The following SPOCK3 variants were observed in gnomAD, a reference collection of about 807,000 sequenced individuals.
SPOCK3 encodes the protein SPARC (osteonectin), cwcv and kazal like domains proteoglycan 3.
Under a neutral mutation model 56.6 loss-of-function variants are expected in SPOCK3, and 30 were observed. The ratio of observed to expected loss-of-function variants is 0.53; its 90% CI spans 0.40 to 0.72. The LOEUF (loss-of-function observed/expected upper bound fraction) is 0.72. Among genes scored for constraint, SPOCK3 ranks in the 30% least tolerant of loss-of-function variants. The pLI, the probability that SPOCK3 is intolerant of heterozygous loss-of-function variation, is 0.00. For synonymous variants in SPOCK3, 196 were observed against 183.3 expected (o/e 1.07, Z -0.56); for missense variants, 527 against 530.0 (o/e 0.99, Z 0.06).
At chr4:166,782,359 A>G (rs1019076888) in intron 7 of SPOCK3, among the ~76,000 whole-genome samples, 1 of 152,212 alleles carries the variant, frequency 6.6e-6, no homozygotes, top group African/African-American at 2.4e-5. Context: ...GAACAGAGAA[A>G]TAGACAATTA....
At chr4:167,201,230 CTCTTT>C (rs1237782752) in intron 2 of SPOCK3, among the ~76,000 whole-genome samples, 1 of 151,928 alleles carries the variant, frequency 6.6e-6, no homozygotes, top group African/African-American at 2.4e-5. Context: ...ACTGTATTAT[CTCTTT>C]TCAACAGTAG....
At chr4:166,915,457 G>T (rs1038983695) in intron 4 of SPOCK3, among the ~76,000 whole-genome samples, 1 of 152,134 alleles carries the variant, frequency 6.6e-6, no homozygotes, top group Non-Finnish European at 1.5e-5. Context: ...AGATGAAGAT[G>T]TAACATTAAA....
chr4:166,844,592 G>A (rs1747857821), intron 6 of SPOCK3, among the ~76,000 whole-genome samples: 1 of 152,066 alleles, frequency 6.6e-6, no homozygotes, highest in Admixed American at 6.5e-5. Context: ...GACTCAAACT[G>A]CAACACTTTT....
At chr4:166,968,888 C>T (rs1745051000) in intron 4 of SPOCK3, among the ~76,000 whole-genome samples, 1 of 152,132 alleles carries the variant, frequency 6.6e-6, no homozygotes, top group Non-Finnish European at 1.5e-5. Context: ...CAACATCAGC[C>T]CATTAAAGAA....
intron 2 of SPOCK3, among the ~76,000 whole-genome samples, chr4:167,085,188 A>C (rs1758075491): frequency 6.6e-6 from 1 of 151,082 alleles, no homozygotes; most frequent in African/African-American, 2.4e-5. Context: ...AAAAAAAAAA[A>C]CACAAATGTC....
chr4:166,739,527 C>T (rs760740227), intron 9 of SPOCK3, among the ~76,000 whole-genome samples: 4 of 152,106 alleles, frequency 2.6e-5, no homozygotes, highest in African/African-American at 4.8e-5. Flanking sequence ...AGGCATGAGC[C>T]GTCATCCCCG....
At chr4:166,921,180 G>C (rs1738437415) in intron 4 of SPOCK3, among the ~76,000 whole-genome samples, 1 of 152,108 alleles carries the variant, frequency 6.6e-6, no homozygotes. Context: ...ACAGCAATTT[G>C]CCCAATCACA....
At chr4:166,923,584 T>C (rs1354933222) in intron 4 of SPOCK3, among the ~76,000 whole-genome samples, 1 of 152,162 alleles carries the variant, frequency 6.6e-6, no homozygotes, top group African/African-American at 2.4e-5. Context: ...TTCTTTCACA[T>C]CTAATGGAAA....
At chr4:167,150,168 C>T (rs969093909) in intron 2 of SPOCK3, among the ~76,000 whole-genome samples, 3 of 152,066 alleles carry the variant, frequency 2.0e-5, no homozygotes, top group African/African-American at 7.2e-5. Context: ...ATCTGTTTTC[C>T]TACAGCATTT....
Position 166,735,052 on chromosome 4 carries a change from C to T in SPOCK3, c.1171G>A (p.Asp391Asn), listed in dbSNP as rs141348000. ...FEISGDFASGDFHEWTDDEDD... is the reference protein window; with the variant it reads ...FEISGDFASGNFHEWTDDEDD... ...TCATCATCAGTCCATTCATGAAAAT[C>T]GCCACTAGCAAAATCTCCGGAGATC... is the stretch of plus-strand genomic sequence containing the variant. The change falls in exon 11 of 11, where the codon GAT (aspartate) becomes AAT (asparagine). Residue 391 changes from aspartate to asparagine, a missense_variant. By Grantham distance (23) the Asp-to-Asn change is conservative. Coordinates refer to ENST00000357545, the MANE Select transcript of SPOCK3 (RefSeq NM_001040159.2). 20 of 1,603,406 alleles carry T rather than the reference C, an allele frequency of 1.2e-5. No individual in the cohort carries two copies. In the Admixed American group the frequency reaches 1.7e-4, roughly 13 times the overall value.
At chr4:166,782,088 T>G (rs1365623369) in intron 7 of SPOCK3, among the ~76,000 whole-genome samples, 4 of 152,188 alleles carry the variant, frequency 2.6e-5, no homozygotes, top group African/African-American at 9.6e-5. Context: ...CATTTATCAC[T>G]TGTTTGTTTT....
chr4:167,223,644 C>T (rs1736293477), intron 2 of SPOCK3, among the ~76,000 whole-genome samples: 1 of 151,850 alleles, frequency 6.6e-6, no homozygotes, highest in Admixed American at 6.6e-5. Context: ...GGGGATATTA[C>T]TAATTAATAC....
intron 6 of SPOCK3, among the ~76,000 whole-genome samples, chr4:166,817,207 G>A (rs369995507): frequency 6.6e-6 from 1 of 152,084 alleles, no homozygotes; most frequent in East Asian, 1.9e-4. Flanking sequence ...CCTGTATAGT[G>A]TGTTGCACTA....
At chr4:167,108,640 A>T (rs868389270) in intron 2 of SPOCK3, among the ~76,000 whole-genome samples, 1 of 151,616 alleles carries the variant, frequency 6.6e-6, no homozygotes, top group Admixed American at 6.6e-5. Flanking sequence ...GAGTAGAAGG[A>T]TGGTTACTAG....
chr4:166,863,500 TAA>T (rs1283651202), intron 6 of SPOCK3, among the ~76,000 whole-genome samples: 1 of 152,012 alleles, frequency 6.6e-6, no homozygotes, highest in African/African-American at 2.4e-5. Context: ...GCAAATTGGA[TAA>T]AGAGTCAAGA....
chr4:167,177,728 T>C (rs566643109), intron 2 of SPOCK3, among the ~76,000 whole-genome samples: 1 of 152,162 alleles, frequency 6.6e-6, no homozygotes, highest in South Asian at 2.1e-4. Flanking sequence ...TACACTGACC[T>C]TTTTCTTTTA....
chr4:167,157,817 T>C (rs10017994), intron 2 of SPOCK3, among the ~76,000 whole-genome samples: 2,734 of 151,780 alleles, frequency 0.018, 79 homozygotes, highest in African/African-American at 0.063. Flanking sequence ...TTTCTCCCCA[T>C]CTTTGGAAAT....
chr4:167,107,226 T>C (rs1042668059), intron 2 of SPOCK3, among the ~76,000 whole-genome samples: 1 of 152,048 alleles, frequency 6.6e-6, no homozygotes, highest in South Asian at 2.1e-4. Flanking sequence ...CCAATATTCC[T>C]GATGAATATT....
chr4:167,102,550 A>G (rs1489628327), intron 2 of SPOCK3: 1 of 152,354 alleles, frequency 6.6e-6, no homozygotes, highest in Admixed American at 6.6e-5. Flanking sequence ...GGCGTGGAGA[A>G]TATGTGTTCT....
Sources: allele counts gnomAD v4.1 joint callset (sites outside exome capture counted in the v4.1 genomes callset), GRCh38; gene constraint gnomAD v4.1.1; transcripts MANE v1.5; gene names NCBI Gene and HGNC (gene_info 2026-07-23, HGNC 2026-07-21).